ICE2: variants seen among roughly 807,000 people sequenced by gnomAD.
The protein encoded by ICE2 is interactor of little elongation complex ELL subunit 2.
ICE2 carries 87 observed loss-of-function variants against 105.4 expected under a neutral mutation model. The ratio of observed to expected loss-of-function variants is 0.83; its 90% CI spans 0.69 to 0.99. ICE2 has a LOEUF of 0.99. Ranked by LOEUF, ICE2 falls within the 50% of genes least tolerant of loss-of-function variation. The pLI is 0.00. For synonymous variants in ICE2, 399 were observed against 392.0 expected (o/e 1.02, Z -0.21); for missense variants, 1,323 against 1,146.7 (o/e 1.15, Z -2.22).
chr15:60,466,789 T>A, intron 4 of ICE2, 76 bp from the exon 5 acceptor site: 1 of 1,225,534 alleles, frequency 8.2e-7, no homozygotes, highest in Non-Finnish European at 1.1e-6. Context: ...ATCATTGCTA[T>A]AATAATTTGG....
intron 5 of ICE2, among the ~76,000 whole-genome samples, chr15:60,457,999 C>A (rs1386718220): frequency 6.6e-6 from 1 of 152,132 alleles, no homozygotes; most frequent in Non-Finnish European, 1.5e-5. Context: ...TTCATTGGCA[C>A]ATCATTCCTG....
At chr15:60,440,716 A>ATT (rs2063699830) in intron 12 of ICE2, 1 of 152,296 alleles carries the variant, frequency 6.6e-6, no homozygotes, top group Non-Finnish European at 1.5e-5. Flanking sequence ...TCTTCCTTAA[A>ATT]TTAAAAGAGT....
intron 14 of ICE2, among the ~76,000 whole-genome samples, chr15:60,431,611 G>C (rs2063462619): frequency 6.6e-6 from 1 of 152,122 alleles, no homozygotes; most frequent in Non-Finnish European, 1.5e-5. Flanking sequence ...CGGTAAAACT[G>C]ATTTTGGATT....
intron 3 of ICE2, among the ~76,000 whole-genome samples, chr15:60,470,720 C>A (rs898915304): frequency 6.6e-6 from 1 of 152,116 alleles, no homozygotes; most frequent in Non-Finnish European, 1.5e-5. Flanking sequence ...GAACTGTATT[C>A]ATTTTAACTG....
chr15:60,474,404 C>T (rs1347622188), intron 3 of ICE2, among the ~76,000 whole-genome samples: 2 of 152,036 alleles, frequency 1.3e-5, no homozygotes, highest in South Asian at 2.1e-4. Context: ...CTGTTTCTAA[C>T]AGTAAAGGAA....
chr15:60,437,026 G>A (rs1007858752), intron 12 of ICE2, among the ~76,000 whole-genome samples: 3 of 152,022 alleles, frequency 2.0e-5, no homozygotes, highest in Non-Finnish European at 4.4e-5. Flanking sequence ...GCCGAGGCGG[G>A]CAGATCACCT....
chr15:60,466,796 T>C (rs1021099664), intron 4 of ICE2, 83 bp from the exon 5 acceptor site: 11 of 1,181,260 alleles, frequency 9.3e-6, no homozygotes, highest in Non-Finnish European at 1.3e-5. Flanking sequence ...CTATAATAAT[T>C]TGGACTTAAA....
chr15:60,463,829 C>T (rs919758149), intron 5 of ICE2, among the ~76,000 whole-genome samples: 1 of 151,958 alleles, frequency 6.6e-6, no homozygotes, highest in Non-Finnish European at 1.5e-5. Context: ...GAACTACCAC[C>T]CTCCATACAC....
rs59228235 is a variant in ICE2, at chr15:60,428,289, T to C, written c.2820+140A>G. On this transcript the variant is annotated intron_variant, in intron 15 of 15. Transcript: ENST00000261520. Reference sequence around the variant, plus strand: ...GGACTCACCATGGCATACAACTTTATCCTTCCTATGGATATAGCTTTTAGA... The same window carrying C: ...GGACTCACCATGGCATACAACTTTACCCTTCCTATGGATATAGCTTTTAGA... 552,829 of 942,172 alleles carry C rather than the reference T, an allele frequency of 0.59. 168,675 individuals are homozygous for C. Among genetic ancestry groups the C allele is most frequent in the East Asian group, 0.86 (34,401 of 40,118 alleles). 58.4% of individuals were successfully genotyped at this position (942,172 alleles called of 1,614,324 possible).
chr15:60,476,581 A>G (rs886746219), intron 2 of ICE2, among the ~76,000 whole-genome samples: 1 of 152,204 alleles, frequency 6.6e-6, no homozygotes, highest in African/African-American at 2.4e-5. Context: ...TGTTTCATGC[A>G]CTACTGTGCT....
At chr15:60,423,845 G>T in intron 15 of ICE2, 83 bp from the exon 16 acceptor site, 1 of 1,208,120 alleles carries the variant, frequency 8.3e-7, no homozygotes, top group Non-Finnish European at 1.1e-6. Flanking sequence ...ATTTATACAT[G>T]TATTAACCAC....
At chr15:60,469,528 G>T (rs369654761) in intron 3 of ICE2, among the ~76,000 whole-genome samples, 2 of 152,172 alleles carry the variant, frequency 1.3e-5, no homozygotes, top group East Asian at 1.9e-4. Flanking sequence ...TCTCATGTTT[G>T]AATTCCTCAT....
At chr15:60,440,913 TCA>T (rs1172887111) in intron 12 of ICE2, 2 of 152,156 alleles carry the variant, frequency 1.3e-5, no homozygotes, top group Non-Finnish European at 2.9e-5. Context: ...AGGATAGGAT[TCA>T]CAGAGAATAA....
In ICE2 at chr15:60,476,084, T is replaced by C; in HGVS notation, c.125A>G (p.Glu42Gly). 1 of 1,601,758 alleles carries C rather than the reference T, an allele frequency of 6.2e-7. No individual in the cohort carries two copies. Among genetic ancestry groups the C allele is most frequent in the South Asian group, 1.1e-5 (1 of 89,030 alleles). The part of the protein sequence containing the change: ...KDHSMAPSLK[E>G]LRVLSNRRIG... ...TTACCTGTTGGATAAAACACGTAGT[T>C]CTTTTAAACTTGGAGCCATGGAATG... Residue 42 changes from glutamate (E) to glycine (G), a missense_variant, in exon 3 of 16, where the codon GAA (glutamate) becomes GGA (glycine). Coordinates refer to ENST00000261520, the MANE Select transcript of ICE2 (RefSeq NM_024611.6).
intron 12 of ICE2, chr15:60,440,405 T>C (rs1352763721): frequency 6.6e-6 from 1 of 152,212 alleles, no homozygotes; most frequent in Non-Finnish European, 1.5e-5. Context: ...GAAACTGTCT[T>C]AAAGGAGTAA....
chr15:60,456,822 A>G (rs373504518), intron 5 of ICE2, 28 bp from the exon 6 acceptor site: 6 of 1,399,248 alleles, frequency 4.3e-6, no homozygotes, highest in South Asian at 1.5e-5. Flanking sequence ...AGAAAAATTC[A>G]TTTGTATTTC....
chr15:60,460,404 A>G (rs995038079), intron 5 of ICE2, among the ~76,000 whole-genome samples: 1 of 152,226 alleles, frequency 6.6e-6, no homozygotes, highest in Admixed American at 6.5e-5. Flanking sequence ...AGGCCGAGGC[A>G]GGAGAGTTGC....
chr15:60,431,968 TA>T lies in ICE2; in HGVS notation c.2526del (p.Phe842LeufsTer8). Reference sequence around the variant, plus strand: ...TTCTTTAGAATGTGTTGGAGGATGTTAAATAAATTGGAAATCCTGATAAACA... The same window carrying T: ...TTCTTTAGAATGTGTTGGAGGATGTTAATAAATTGGAAATCCTGATAAACA... ...KLSALKISNL[F>X]NILQHILKKL... On this transcript the variant is annotated frameshift_variant, in exon 14 of 16. Coordinates refer to ENST00000261520, the MANE Select transcript of ICE2 (RefSeq NM_024611.6). LOFTEE classifies it high-confidence loss of function. 7.0e-7 allele frequency: 1 copy of T among 1,422,782 alleles called. No homozygotes were observed. Among genetic ancestry groups the T allele is most frequent in the Non-Finnish European group, 9.8e-7 (1 of 1,022,204 alleles). The allele number at this position is 1,422,782 out of a possible 1,614,324, so 88.1% of individuals were successfully genotyped here.
chr15:60,451,786 A>G, intron 9 of ICE2: 1 of 210,510 alleles, frequency 4.8e-6, no homozygotes, highest in Non-Finnish European at 8.2e-6. Flanking sequence ...TTATCCCCCT[A>G]GTCCTATGAT....
Sources: gnomAD v4.1 joint callset for allele counts (sites outside exome capture counted in the v4.1 genomes callset) on GRCh38, gnomAD v4.1.1 for gene constraint, MANE v1.5 for transcripts, NCBI Gene and HGNC (gene_info 2026-07-23, HGNC 2026-07-21) for gene names.